The following CES4A variants were observed in gnomAD, a reference collection of about 807,000 sequenced individuals.
The protein encoded by CES4A is carboxylesterase 6.
In CES4A, 48 loss-of-function variants were observed where a neutral mutation model predicts 65.4. That is an observed-to-expected ratio of 0.73 (90% CI 0.58 to 0.93). CES4A has a LOEUF of 0.93. CES4A is among the 40% of genes least tolerant of loss of function. The pLI is 0.00. For missense variants in CES4A, 685 were observed against 728.5 expected (o/e 0.94, Z 0.69); for synonymous variants, 247 against 281.8 (o/e 0.88, Z 1.24).
Position 67,001,079 on chromosome 16 carries a change from A to AGGGGGGGGGGGGGGGGGGGGGGGGGGGGG in CES4A, c.536+89_536+90insGGGGGGGGGGGGGGGGGGGGGGGGGGGGG. 8.1e-6 allele frequency: 1 copy of AGGGGGGGGGGGGGGGGGGGGGGGGGGGGG among 122,820 alleles called. No individual in the cohort carries two copies. Among genetic ancestry groups the AGGGGGGGGGGGGGGGGGGGGGGGGGGGGG allele is most frequent in the South Asian group, 5.8e-5 (1 of 17,208 alleles). 7.6% of individuals were successfully genotyped at this position (122,820 alleles called of 1,614,324 possible). On this transcript the variant is annotated intron_variant, in intron 4 of 13. Transcript: ENST00000648724. This position sits in a 1 kb window ranked among gnomAD's most constrained non-coding sequence, Gnocchi z 4.1. ...GGGAGGGGCGGGGCCTGGGGCGGGGATGGGGGGGGTGGGGCCGCGAGGCGG... is the reference window on the plus strand; with the variant it reads ...GGGAGGGGCGGGGCCTGGGGCGGGGAGGGGGGGGGGGGGGGGGGGGGGGGGGGGGTGGGGGGGGTGGGGCCGCGAGGCGG...
rs778878063 is a variant in CES4A at position 67,003,470 on chromosome 16, C to T, written c.901-45C>T. The T allele has an allele frequency of 9.2e-5, 147 of 1,600,862 alleles. No individual in the cohort carries two copies. The East Asian group carries it at 2.3e-3, about 25-fold the overall frequency. On this transcript the variant is annotated intron_variant, in intron 7 of 13. Transcript: ENST00000648724. This position sits in a 1 kb window ranked among gnomAD's most constrained non-coding sequence, Gnocchi z 4.2. ...CCAGGGACCCTGTCTCAAGAGCACA[C>T]GAGGGAGACTTCCTTTAACTCTGAT...
Position 67,000,707 on chromosome 16 carries a change from G to A in CES4A, c.330G>A (p.Leu110=). The change falls in exon 3 of 14, where the codon CTG becomes CTA. Residue 110 remains leucine, a synonymous_variant. Transcript: ENST00000648724. The surrounding 1 kb of genome is among the most constrained non-coding windows in gnomAD (Gnocchi z 4.2). ...GCACGCGGGAACGGTACAAGTGGCT[G>A]CGCTTCAGCGAGGACTGTCTGTACC... is the stretch of plus-strand genomic sequence containing the variant. The A allele has an allele frequency of 6.4e-7, 1 of 1,550,460 alleles. No homozygotes were observed. The highest frequency in any genetic ancestry group is 8.7e-7 in the Non-Finnish European group (1 of 1,147,278).
intron 1 of CES4A, among the ~76,000 whole-genome samples, chr16:66,993,100 C>A (rs1964522009): frequency 6.6e-6 from 1 of 152,112 alleles, no homozygotes; most frequent in African/African-American, 2.4e-5. Flanking sequence ...AGGATGACAG[C>A]CTGGAAGAGG....
intron 11 of CES4A, chr16:67,005,916 C>T (rs1418441826): frequency 1.1e-5 from 2 of 177,512 alleles, no homozygotes; most frequent in African/African-American, 2.4e-5. Flanking sequence ...GGACCTCAAA[C>T]AGTCCAGAGG....
Position 67,001,213 on chromosome 16 carries a change from C to G in CES4A, c.537-95C>G, listed in dbSNP as rs1297408068. Reference sequence around the variant, plus strand: ...GTCGCAGGACTGGGTCTTAGAGGGGCAAGGCTGGGCTGGGTGGGGGAAGCC... The same window carrying G: ...GTCGCAGGACTGGGTCTTAGAGGGGGAAGGCTGGGCTGGGTGGGGGAAGCC... On this transcript the variant is annotated intron_variant, in intron 4 of 13. Coordinates refer to ENST00000648724, the Ensembl canonical transcript of CES4A. This position sits in a 1 kb window ranked among gnomAD's most constrained non-coding sequence, Gnocchi z 4.1. 14 of 1,421,346 alleles carry G rather than the reference C, an allele frequency of 9.8e-6. No individual in the cohort carries two copies. Among genetic ancestry groups the G allele is most frequent in the Non-Finnish European group, 1.3e-5 (14 of 1,072,268 alleles). 88.0% of individuals were successfully genotyped at this position (1,421,346 alleles called of 1,614,324 possible). A position where few individuals can be genotyped will look rare whatever the true frequency, so the allele number is the denominator to read the frequency against.
chr16:66,994,811 C>T (rs1197319282), intron 1 of CES4A, among the ~76,000 whole-genome samples: 2 of 147,762 alleles, frequency 1.4e-5, no homozygotes, highest in East Asian at 4.0e-4. Context: ...TGTACTCCAG[C>T]CTGGGCAAAA....
chr16:67,002,375 G>T (rs1965427275), intron 5 of CES4A, among the ~76,000 whole-genome samples: 1 of 152,304 alleles, frequency 6.6e-6, no homozygotes, highest in South Asian at 2.1e-4. Context: ...GCAAGAAACA[G>T]GAGCAGAGAC....
downstream of CES4A, among the ~76,000 whole-genome samples, chr16:67,010,006 CT>C (rs1226631564): frequency 6.6e-6 from 1 of 151,810 alleles, no homozygotes; most frequent in Non-Finnish European, 1.5e-5. Context: ...CCTCTGGCCT[CT>C]CCTGCAGCCC....
exon 2 of CES4A, chr16:66,995,695 T>A: frequency 6.2e-7 from 1 of 1,614,156 alleles, no homozygotes; most frequent in Non-Finnish European, 8.5e-7. Context: ...AACAGATGCA[T>A]GTGGGGAAGA....
rs1239782922 is a variant in CES4A, at chr16:67,001,263, G to A, written c.537-45G>A. ...CCAGGAGGGCAGCCCAACGCGCCCCGACTGTCGAGGCCCGGGACCCTGACA... is the reference window on the plus strand; with the variant it reads ...CCAGGAGGGCAGCCCAACGCGCCCCAACTGTCGAGGCCCGGGACCCTGACA... On this transcript the variant is annotated intron_variant, in intron 4 of 13. Coordinates refer to ENST00000648724, the Ensembl canonical transcript of CES4A. This position sits in a 1 kb window ranked among gnomAD's most constrained non-coding sequence, Gnocchi z 4.1. The A allele has an allele frequency of 6.5e-7, 1 of 1,538,676 alleles. No homozygotes were observed. Among genetic ancestry groups the A allele is most frequent in the African/African-American group, 1.4e-5 (1 of 73,304 alleles).
At position 67,000,794 on chromosome 16, in the gene CES4A, T is replaced by C; in HGVS notation, c.402+15T>C. The stretch of plus-strand genomic sequence containing the variant: ...CCCAGCTGCCAGTGAGTGCCAGGTC[T>C]CCCGCGCCCGCGGTCCCACCGCCGC... On this transcript the variant is annotated intron_variant, in intron 3 of 13. Coordinates refer to ENST00000648724, the Ensembl canonical transcript of CES4A. This position sits in a 1 kb window ranked among gnomAD's most constrained non-coding sequence, Gnocchi z 4.2. 3 of 1,549,746 alleles carry C rather than the reference T, an allele frequency of 1.9e-6. No homozygotes were observed. The highest frequency in any genetic ancestry group is 1.7e-6 in the Non-Finnish European group (2 of 1,145,922).
At chr16:66,994,579 T>C (rs914026218) in intron 1 of CES4A, among the ~76,000 whole-genome samples, 17 of 150,732 alleles carry the variant, frequency 1.1e-4, no homozygotes, top group East Asian at 6.1e-4. Flanking sequence ...CGGTGGCTCA[T>C]GCCTATAATC....
chr16:67,009,018 A>G, exon 14 of CES4A: 1 of 1,614,200 alleles, frequency 6.2e-7, no homozygotes, highest in Non-Finnish European at 8.5e-7. Flanking sequence ...CGCTACAACA[A>G]GGATGAAAAG....
intron 13 of CES4A, chr16:67,008,631 A>G: frequency 5.0e-6 from 1 of 200,444 alleles, no homozygotes; most frequent in Non-Finnish European, 1.0e-5. Flanking sequence ...CGATCTCCTG[A>G]CCTCGTGATC....
intron 2 of CES4A, among the ~76,000 whole-genome samples, chr16:66,998,434 T>G (rs1597072447): frequency 6.6e-6 from 1 of 151,822 alleles, no homozygotes; most frequent in Non-Finnish European, 1.5e-5. Context: ...TACAAAAAAA[T>G]TAAAAATTAT....
intron 10 of CES4A, 106 bp from the exon 11 acceptor site, chr16:67,005,134 A>G (rs1965652823): frequency 8.3e-7 from 1 of 1,206,216 alleles, no homozygotes; most frequent in Non-Finnish European, 1.2e-6. Context: ...TCCCCCTCCC[A>G]GGCCAAAAAC....
chr16:67,006,946 C>CCTT (rs983035579), intron 13 of CES4A, 129 bp downstream of exon 13: 4 of 750,330 alleles, frequency 5.3e-6, no homozygotes, highest in East Asian at 5.3e-5. Flanking sequence ...ACAGGGTGCC[C>CCTT]CTTCTTCTTC....
At chr16:67,006,301 G>A (rs1965753206) in intron 11 of CES4A, 90 bp from the exon 12 acceptor site, 5 of 1,410,046 alleles carry the variant, frequency 3.5e-6, no homozygotes, top group Non-Finnish European at 4.8e-6. Flanking sequence ...TCTTTTTCCT[G>A]CTTGGTGCAG....
In CES4A at chr16:67,001,441, G is replaced by A; in HGVS notation, c.670G>A (p.Ala224Thr). The A allele has an allele frequency of 2.5e-6, 4 of 1,610,170 alleles. No homozygotes were observed. Among genetic ancestry groups the A allele is most frequent in the Non-Finnish European group, 3.4e-6 (4 of 1,177,968 alleles). Residue 224 changes from alanine to threonine, a missense_variant, in exon 5 of 14, where the codon GCC (alanine) becomes ACC (threonine). Coordinates refer to ENST00000648724, the Ensembl canonical transcript of CES4A. The surrounding 1 kb of genome is among the most constrained non-coding windows in gnomAD (Gnocchi z 4.1). ...GACCCTGTTCGGCCAGTCGGCGGGG[G>A]CCATGAGCATCTCAGGACTGGTGAG...
Sources: allele counts gnomAD v4.1 joint callset (sites outside exome capture counted in the v4.1 genomes callset), GRCh38; gene constraint gnomAD v4.1.1; non-coding constraint Gnocchi (gnomAD v3.1); transcripts MANE v1.5; gene names NCBI Gene and HGNC (gene_info 2026-07-23, HGNC 2026-07-21).